The following FCHO2 variants were observed in gnomAD, a reference collection of about 807,000 sequenced individuals.
The protein encoded by FCHO2 is F-BAR domain only protein 2.
Under a neutral mutation model 114.1 loss-of-function variants are expected in FCHO2, and 43 were observed. The observed-to-expected ratio is 0.38, with a 90% CI of 0.30 to 0.49. The LOEUF (loss-of-function observed/expected upper bound fraction) is 0.49. FCHO2 is among the 20% of genes least tolerant of loss of function. The pLI, the probability that FCHO2 is intolerant of heterozygous loss-of-function variation, is 0.97. For missense variants in FCHO2, 807 were observed against 950.4 expected (o/e 0.85, Z 1.98); for synonymous variants, 293 against 315.2 (o/e 0.93, Z 0.75).
chr5:73,077,962 T>C (rs1250510889), intron 21 of FCHO2, among the ~76,000 whole-genome samples: 1 of 152,166 alleles, frequency 6.6e-6, no homozygotes, highest in Non-Finnish European at 1.5e-5. Flanking sequence ...TTGTTTTCAG[T>C]GGTGCTAATA....
chr5:72,978,515 C>A (rs557767413), intron 2 of FCHO2, among the ~76,000 whole-genome samples: 2 of 152,234 alleles, frequency 1.3e-5, no homozygotes, highest in East Asian at 3.9e-4. Flanking sequence ...TGGGCTGAGA[C>A]GATGGGGTTT....
intron 8 of FCHO2, among the ~76,000 whole-genome samples, chr5:73,025,387 T>C (rs1227351926): frequency 6.7e-6 from 1 of 150,352 alleles, no homozygotes; most frequent in African/African-American, 2.4e-5. Flanking sequence ...TTTTTTTTTT[T>C]TTTTTTTTGA....
intron 6 of FCHO2, among the ~76,000 whole-genome samples, chr5:73,013,723 A>G (rs1049772779): frequency 2.6e-5 from 4 of 152,176 alleles, no homozygotes; most frequent in Non-Finnish European, 4.4e-5. Context: ...GCTGGAGTGC[A>G]GAGGCGCGAT....
intron 5 of FCHO2, among the ~76,000 whole-genome samples, chr5:72,996,611 G>A (rs187441362): frequency 8.4e-4 from 118 of 139,960 alleles, no homozygotes; most frequent in African/African-American, 3.1e-3. Flanking sequence ...TCCTGGTCTC[G>A]GAGGACCCAA....
intron 8 of FCHO2, among the ~76,000 whole-genome samples, chr5:73,028,751 A>G (rs1186715801): frequency 2.0e-5 from 3 of 150,660 alleles, no homozygotes; most frequent in East Asian, 2.0e-4. Context: ...CCCAGGTTCA[A>G]GTGATTCTCC....
At chr5:73,064,136 G>A (rs1341229532) in intron 18 of FCHO2, among the ~76,000 whole-genome samples, 192 bp downstream of exon 18, 2 of 152,060 alleles carry the variant, frequency 1.3e-5, no homozygotes, top group East Asian at 1.9e-4. Flanking sequence ...TGTGAGACAC[G>A]ACATTGTCCA....
At position 73,088,329 on chromosome 5, in the gene FCHO2, C is replaced by G. The variant is rs751234889; in HGVS notation, c.*239C>G. The stretch of plus-strand genomic sequence containing the variant: ...TTCAGGAAGCACATTTATTCAGATT[C>G]TCAGTAAAAATGAAGTTTTTGTAGG... On this transcript the variant is annotated 3_prime_UTR_variant, in exon 26 of 26. Transcript: ENST00000430046. The G allele has an allele frequency of 2.0e-6, 1 of 509,418 alleles. No homozygotes were observed. The highest frequency in any genetic ancestry group is 3.4e-6 in the Non-Finnish European group (1 of 292,140). 31.6% of individuals were successfully genotyped at this position (509,418 alleles called of 1,614,324 possible). A position where few individuals can be genotyped will look rare whatever the true frequency, so the allele number is the denominator to read the frequency against.
intron 17 of FCHO2, among the ~76,000 whole-genome samples, chr5:73,059,486 CATTGTTCT>C (rs1447594206): frequency 2.0e-5 from 3 of 152,008 alleles, no homozygotes; most frequent in African/African-American, 7.2e-5. Flanking sequence ...ATTCTAAAGC[CATTGTTCT>C]ATCTGTCACA....
chr5:72,971,260 C>T (rs1752536710), intron 2 of FCHO2, among the ~76,000 whole-genome samples: 1 of 151,856 alleles, frequency 6.6e-6, no homozygotes, highest in Non-Finnish European at 1.5e-5. Flanking sequence ...GTTCTAGATC[C>T]CTGAGGAATC....
At chr5:72,972,453 C>T (rs1752610793) in intron 2 of FCHO2, among the ~76,000 whole-genome samples, 1 of 152,164 alleles carries the variant, frequency 6.6e-6, no homozygotes, top group African/African-American at 2.4e-5. Context: ...ATCTTATTCT[C>T]TTTGAAGCAA....
intron 8 of FCHO2, among the ~76,000 whole-genome samples, chr5:73,028,365 A>G (rs1756052224): frequency 6.6e-6 from 1 of 152,144 alleles, no homozygotes; most frequent in Non-Finnish European, 1.5e-5. Context: ...CAGTTGTTCT[A>G]CCCCTAGGCA....
At chr5:73,005,154 C>A (rs1261492536) in intron 5 of FCHO2, among the ~76,000 whole-genome samples, 1 of 152,108 alleles carries the variant, frequency 6.6e-6, no homozygotes, top group Non-Finnish European at 1.5e-5. Context: ...TAAACAATTA[C>A]ATTTTAGAGA....
chr5:73,056,227 T>C (rs1561483193), intron 16 of FCHO2, 120 bp downstream of exon 16: 1 of 688,586 alleles, frequency 1.5e-6, no homozygotes, highest in Non-Finnish European at 2.4e-6. Flanking sequence ...TGCCCCTTCA[T>C]ATGCCCAGTC....
At chr5:73,046,429 A>G (rs1408110373) in intron 11 of FCHO2, among the ~76,000 whole-genome samples, 2 of 152,156 alleles carry the variant, frequency 1.3e-5, no homozygotes, top group Admixed American at 6.5e-5. Flanking sequence ...AAAGCTGCTT[A>G]CTCAGCCATA....
intron 5 of FCHO2, among the ~76,000 whole-genome samples, chr5:72,993,926 T>G (rs1165614275): frequency 6.6e-6 from 1 of 152,200 alleles, no homozygotes; most frequent in Non-Finnish European, 1.5e-5. Flanking sequence ...GATAACTGGC[T>G]AGCCATATGC....
intron 5 of FCHO2, among the ~76,000 whole-genome samples, chr5:73,005,630 A>C (rs1052420538): frequency 6.6e-6 from 1 of 152,076 alleles, no homozygotes; most frequent in African/African-American, 2.4e-5. Flanking sequence ...TGAGAATATC[A>C]AGCTTCTTGA....
At chr5:73,005,762 GTA>G (rs1367636185) in intron 5 of FCHO2, among the ~76,000 whole-genome samples, 7 of 151,986 alleles carry the variant, frequency 4.6e-5, no homozygotes, top group Admixed American at 2.0e-4. Flanking sequence ...TTCTGTTTAT[GTA>G]TAGGTTGTAC....
intron 1 of FCHO2, among the ~76,000 whole-genome samples, chr5:72,963,895 A>G (rs1452629832): frequency 1.5e-5 from 2 of 135,776 alleles, no homozygotes; most frequent in South Asian, 2.3e-4. Context: ...TTGTATGGGA[A>G]CTTTCAGTTT....
chr5:72,980,455 A>ATT (rs1398044749), intron 2 of FCHO2, among the ~76,000 whole-genome samples: 2 of 152,118 alleles, frequency 1.3e-5, no homozygotes, highest in African/African-American at 4.8e-5. Flanking sequence ...GTAGATGTCT[A>ATT]TTAGGTCTGC....
Sources: gnomAD v4.1 joint callset for allele counts (sites outside exome capture counted in the v4.1 genomes callset) on GRCh38, gnomAD v4.1.1 for gene constraint, MANE v1.5 for transcripts, NCBI Gene and HGNC (gene_info 2026-07-23, HGNC 2026-07-21) for gene names.